The following AKAP13 variants were observed in gnomAD, a reference collection of about 807,000 sequenced individuals.
AKAP13 encodes the protein A-kinase anchor protein 13.
A neutral mutation model predicts 264.5 loss-of-function variants in AKAP13; 80 were observed. That is an observed-to-expected ratio of 0.30 (90% CI 0.25 to 0.36). The LOEUF (loss-of-function observed/expected upper bound fraction) is 0.36. Among genes scored for constraint, AKAP13 ranks in the 10% least tolerant of loss-of-function variants. The pLI, the probability that AKAP13 is intolerant of heterozygous loss-of-function variation, is 1.00. For missense variants in AKAP13, 3,712 were observed against 3,435.2 expected (o/e 1.08, Z -2.01); for synonymous variants, 1,380 against 1,250.2 (o/e 1.10, Z -2.19).
At chr15:85,429,013 C>T (rs1461395879) in intron 1 of AKAP13, among the ~76,000 whole-genome samples, 1 of 152,160 alleles carries the variant, frequency 6.6e-6, no homozygotes, top group Non-Finnish European at 1.5e-5. Context: ...GATGAAGAAA[C>T]TGTGGTACAT....
intron 8 of AKAP13, among the ~76,000 whole-genome samples, chr15:85,598,374 T>G (rs2079910388): frequency 6.6e-6 from 1 of 152,140 alleles, no homozygotes; most frequent in Non-Finnish European, 1.5e-5. Context: ...GCTCAGGAAT[T>G]TTTTCTCTCA....
In AKAP13 at chr15:85,639,420, C is replaced by T; in HGVS notation, c.4208C>T (p.Ala1403Val). The T allele has an allele frequency of 6.2e-7, 1 of 1,613,178 alleles. No individual in the cohort carries two copies. The highest frequency in any genetic ancestry group is 1.6e-4 in the Middle Eastern group (1 of 6,062). The stretch of plus-strand genomic sequence containing the variant: ...ACAATAGAGCCATGCCCTGATGCAG[C>T]ATCTCTTCTGGCTTCCAAGCAGAGC... ...WCTIEPCPDAASLLASKQSPE... is the reference protein window; with the variant it reads ...WCTIEPCPDAVSLLASKQSPE... Residue 1403 changes from alanine to valine, a missense_variant, in exon 9 of 37, where the codon GCA becomes GTA. By Grantham distance (64) the Ala-to-Val change is moderately conservative. This residue lies in a region of AKAP13 where 2,759 missense variants were observed against 2,411.7 expected (regional missense o/e 1.14). Transcript: ENST00000394518.
rs144382268 is a variant in AKAP13 at position 85,412,768 on chromosome 15, A to G, written c.-12+31970A>G. Among the ~76,000 whole-genome samples the G allele has an allele frequency of 1.9e-4, 29 of 152,350 alleles. No individual in the cohort carries two copies. The East Asian group carries it at 5.6e-3, about 29-fold the overall frequency. ...GAAATACTTTAGTTTCTTATTTGAA[A>G]ATCTTTATAGAAACAACACAGAGGA... On this transcript the variant is annotated intron_variant, in intron 1 of 36. Transcript: ENST00000394518.
chr15:85,733,988 G>A (rs2088250011), intron 30 of AKAP13, among the ~76,000 whole-genome samples: 1 of 147,222 alleles, frequency 6.8e-6, no homozygotes, highest in Non-Finnish European at 1.5e-5. Flanking sequence ...TTATGGGCAT[G>A]CACCACCATG....
At chr15:85,707,331 C>T (rs186994995) in intron 17 of AKAP13, among the ~76,000 whole-genome samples, 51 of 152,304 alleles carry the variant, frequency 3.3e-4, no homozygotes, top group Non-Finnish European at 6.6e-4. Context: ...AGATAAAATG[C>T]TGTCCTTGCC....
chr15:85,401,384 C>T (rs1179741011), intron 1 of AKAP13, among the ~76,000 whole-genome samples: 1 of 152,156 alleles, frequency 6.6e-6, no homozygotes, highest in Non-Finnish European at 1.5e-5. Context: ...GACGTCTCCT[C>T]TGCCAACCTG....
chr15:85,567,297 G>A (rs1018128310), intron 5 of AKAP13, among the ~76,000 whole-genome samples: 6 of 151,878 alleles, frequency 4.0e-5, no homozygotes, highest in African/African-American at 9.7e-5. Flanking sequence ...TAGTAGAGAC[G>A]GGGTTTCATC....
chr15:85,389,068 G>C (rs2070728938), intron 1 of AKAP13, among the ~76,000 whole-genome samples: 2 of 152,174 alleles, frequency 1.3e-5, no homozygotes, highest in Admixed American at 1.3e-4. Context: ...ATGTCTCCCA[G>C]CCCTGTGTGA....
chr15:85,482,483 G>A (rs946234114), intron 1 of AKAP13, among the ~76,000 whole-genome samples: 5 of 152,204 alleles, frequency 3.3e-5, no homozygotes, highest in Non-Finnish European at 5.9e-5. Context: ...CATTGTAGGT[G>A]CACAATGACA....
chr15:85,437,368 C>G (rs1211100348), intron 1 of AKAP13, among the ~76,000 whole-genome samples: 1 of 152,208 alleles, frequency 6.6e-6, no homozygotes, highest in East Asian at 1.9e-4. Context: ...CAGATGGATT[C>G]ACAGCTGAAT....
chr15:85,624,374 C>T (rs1217954894), intron 8 of AKAP13: 1 of 152,194 alleles, frequency 6.6e-6, no homozygotes, highest in Non-Finnish European at 1.5e-5. Flanking sequence ...GGGCAGGCCA[C>T]ACGAGCTCAT....
chr15:85,503,069 A>G (rs1009889674), intron 2 of AKAP13, among the ~76,000 whole-genome samples: 3 of 152,202 alleles, frequency 2.0e-5, no homozygotes, highest in African/African-American at 7.2e-5. Flanking sequence ...AGTGTATGCT[A>G]CGTACTTGGT....
At chr15:85,472,296 C>T (rs2074989473) in intron 1 of AKAP13, among the ~76,000 whole-genome samples, 2 of 150,228 alleles carry the variant, frequency 1.3e-5, no homozygotes. Flanking sequence ...CACTTGAGCC[C>T]AGGAGTTGGA....
chr15:85,490,184 G>A (rs1360896269), intron 2 of AKAP13, among the ~76,000 whole-genome samples: 1 of 152,216 alleles, frequency 6.6e-6, no homozygotes, highest in East Asian at 1.9e-4. Context: ...AAGATGGAGA[G>A]GCAGTGGCAG....
At chr15:85,737,972 A>G (rs1353605733) in intron 33 of AKAP13, among the ~76,000 whole-genome samples, 1 of 152,004 alleles carries the variant, frequency 6.6e-6, no homozygotes, top group African/African-American at 2.4e-5. Flanking sequence ...TTCCCTCTAT[A>G]TTTAGTTACA....
At chr15:85,700,376 CAA>C (rs1432148342) in intron 17 of AKAP13, among the ~76,000 whole-genome samples, 1 of 152,184 alleles carries the variant, frequency 6.6e-6, no homozygotes, top group Non-Finnish European at 1.5e-5. Context: ...TAGGACACCA[CAA>C]GTTATTAGAC....
chr15:85,496,326 C>G (rs2075872212), intron 2 of AKAP13, among the ~76,000 whole-genome samples: 1 of 152,062 alleles, frequency 6.6e-6, no homozygotes, highest in Admixed American at 6.6e-5. Flanking sequence ...TTACTCCAGA[C>G]TTACATTTTC....
intron 1 of AKAP13, among the ~76,000 whole-genome samples, chr15:85,450,543 C>G (rs1329166223): frequency 6.6e-6 from 1 of 152,144 alleles, no homozygotes; most frequent in Non-Finnish European, 1.5e-5. Flanking sequence ...CCCAGAGATT[C>G]TGTTATGTTG....
At chr15:85,699,160 T>C (rs1006741428) in intron 17 of AKAP13, among the ~76,000 whole-genome samples, 3 of 151,456 alleles carry the variant, frequency 2.0e-5, no homozygotes, top group African/African-American at 7.3e-5. Flanking sequence ...TTTACAAAAA[T>C]ATGCCAGGGA....
Sources: gnomAD v4.1 joint callset for allele counts (sites outside exome capture counted in the v4.1 genomes callset) on GRCh38, gnomAD v4.1.1 for gene constraint, gnomAD v4.1.1 regional missense constraint, MANE v1.5 for transcripts, NCBI Gene and HGNC (gene_info 2026-07-23, HGNC 2026-07-21) for gene names.